The following ZFAND3 variants were observed in gnomAD, a reference collection of about 807,000 sequenced individuals.
The protein encoded by ZFAND3 is zinc finger AN1-type containing 3.
Under a neutral mutation model 29.6 loss-of-function variants are expected in ZFAND3, and 10 were observed. The observed-to-expected ratio is 0.34, with a 90% CI of 0.21 to 0.57. The LOEUF is 0.57. Ranked by LOEUF, ZFAND3 falls within the 20% of genes least tolerant of loss-of-function variation. The pLI is 0.86. For synonymous variants in ZFAND3, 128 were observed against 112.6 expected, an observed-to-expected ratio of 1.14 and a Z score of -0.87; for missense variants, 230 against 304.5, an observed-to-expected ratio of 0.76 and a Z score of 1.82.
chr6:38,098,139 A>C (rs1260117433), intron 4 of ZFAND3, among the ~76,000 whole-genome samples: 3 of 151,902 alleles, frequency 2.0e-5, no homozygotes, highest in Non-Finnish European at 4.4e-5. Context: ...ACAGCTCACT[A>C]TAACTTTGAC....
intron 3 of ZFAND3, among the ~76,000 whole-genome samples, chr6:38,070,525 A>G (rs559881843): frequency 1.3e-5 from 2 of 152,202 alleles, no homozygotes; most frequent in Non-Finnish European, 2.9e-5. Context: ...AAGTCTACAC[A>G]TGGAGATCTG....
chr6:37,839,591 T>C (rs1281095424), intron 1 of ZFAND3, among the ~76,000 whole-genome samples: 2 of 151,660 alleles, frequency 1.3e-5, no homozygotes, highest in Admixed American at 1.3e-4. Context: ...CTCAGCTCTC[T>C]GCAAGCTCTG....
chr6:37,977,831 C>CTTT lies in ZFAND3; in HGVS notation c.112+47832_112+47833insTTT, dbSNP rs1561953795. ...ATGTTGAATTTTGTAAAATGCTTTTCCTTCCTTCCTTCCTTCCTTCCTTCC... is the reference window on the plus strand; with the variant it reads ...ATGTTGAATTTTGTAAAATGCTTTTCTTTCTTCCTTCCTTCCTTCCTTCCTTCC... On this transcript the variant is annotated intron_variant, in intron 2 of 5. Coordinates refer to ENST00000287218, the MANE Select transcript of ZFAND3 (RefSeq NM_021943.3). 9.2e-4 allele frequency among the ~76,000 whole-genome samples: 8 copies of CTTT among 8,718 alleles called. 1 individual carries two copies. Among genetic ancestry groups the CTTT allele is most frequent in the Non-Finnish European group, 1.7e-3 (5 of 2,942 alleles). 5.7% of individuals were successfully genotyped at this position (8,718 alleles called of 152,430 possible).
intron 2 of ZFAND3, among the ~76,000 whole-genome samples, chr6:37,994,460 C>CAG (rs1467426752): frequency 6.6e-6 from 1 of 152,168 alleles, no homozygotes; most frequent in East Asian, 1.9e-4. Context: ...TCAGACATTA[C>CAG]TTTTCTCTCA....
chr6:38,100,796 A>T (rs1282283575), intron 4 of ZFAND3, among the ~76,000 whole-genome samples: 1 of 152,008 alleles, frequency 6.6e-6, no homozygotes, highest in Non-Finnish European at 1.5e-5. Context: ...ATTCTTAGGT[A>T]CCCCCCTACC....
intron 3 of ZFAND3, among the ~76,000 whole-genome samples, chr6:38,066,830 AT>A (rs1349852640): frequency 6.6e-6 from 1 of 152,204 alleles, no homozygotes; most frequent in African/African-American, 2.4e-5. Context: ...ACCCAAAAGA[AT>A]TTCTTAATAC....
At chr6:38,143,168 G>T (rs1242914365) in intron 5 of ZFAND3, 1 of 152,318 alleles carries the variant, frequency 6.6e-6, no homozygotes, top group Non-Finnish European at 1.5e-5. Flanking sequence ...ACATTACTGG[G>T]ACGAAGCCGA....
intron 4 of ZFAND3, among the ~76,000 whole-genome samples, chr6:38,091,273 C>A (rs2127474054): frequency 6.6e-6 from 1 of 151,814 alleles, no homozygotes; most frequent in African/African-American, 2.4e-5. Flanking sequence ...TTGCATCAGT[C>A]CACAAATGCA....
chr6:38,069,593 G>T (rs75484621), intron 3 of ZFAND3, among the ~76,000 whole-genome samples: 10,379 of 152,232 alleles, frequency 0.068, 426 homozygotes, highest in Non-Finnish European at 0.087. Flanking sequence ...TATTAGGGCT[G>T]TGTTCTGAAA....
chr6:38,150,834 G>A (rs757402260), intron 5 of ZFAND3, among the ~76,000 whole-genome samples: 1 of 152,192 alleles, frequency 6.6e-6, no homozygotes, highest in Non-Finnish European at 1.5e-5. Context: ...TGCTTGGGCA[G>A]GCTGCTGTGG....
chr6:37,914,843 T>C (rs7756841), intron 1 of ZFAND3, among the ~76,000 whole-genome samples: 4,490 of 151,932 alleles, frequency 0.03, 173 homozygotes, highest in African/African-American at 0.085. Context: ...ATTTTTGGAA[T>C]AGTAGCTGAT....
Position 38,138,863 on chromosome 6 carries a change from A to G in ZFAND3, c.530-13372A>G, listed in dbSNP as rs529490337. Among the ~76,000 whole-genome samples the G allele has an allele frequency of 7.2e-5, 11 of 152,318 alleles. No homozygotes were observed. The East Asian group carries it at 2.1e-3, about 29-fold the overall frequency. On this transcript the variant is annotated intron_variant, in intron 5 of 5. Transcript: ENST00000287218. Reference sequence around the variant, plus strand: ...CAGTTGAGATTCCTAGCATTATTCTAGTCAGACGTGTTTGTCAAGTAGGCC... The same window carrying G: ...CAGTTGAGATTCCTAGCATTATTCTGGTCAGACGTGTTTGTCAAGTAGGCC...
At chr6:37,961,174 A>G (rs1163710511) in intron 2 of ZFAND3, among the ~76,000 whole-genome samples, 1 of 151,864 alleles carries the variant, frequency 6.6e-6, no homozygotes, top group Non-Finnish European at 1.5e-5. Flanking sequence ...ACAGGAGCCC[A>G]CTCCCTTGAA....
chr6:37,899,055 C>A (rs957252736), intron 1 of ZFAND3, among the ~76,000 whole-genome samples: 4 of 152,170 alleles, frequency 2.6e-5, no homozygotes, highest in East Asian at 1.9e-4. Flanking sequence ...GCCACCACGC[C>A]TGGCTAATTT....
chr6:37,883,423 C>T (rs1764932782), intron 1 of ZFAND3, among the ~76,000 whole-genome samples: 2 of 152,064 alleles, frequency 1.3e-5, no homozygotes, highest in African/African-American at 2.4e-5. Flanking sequence ...CCCTACCCTT[C>T]GCTGTTGAAC....
intron 3 of ZFAND3, among the ~76,000 whole-genome samples, chr6:38,073,774 G>A (rs1469768727): frequency 1.3e-5 from 2 of 152,160 alleles, no homozygotes; most frequent in African/African-American, 4.8e-5. Flanking sequence ...CTAGGTGAGA[G>A]ATTACATCTG....
In ZFAND3 at chr6:38,147,490, C is replaced by G. The variant is rs568726911; in HGVS notation, c.530-4745C>G. ...CCCTTTGATATATTGACTTTTTTTC[C>G]TTTGGGTAGATACCCTGTGGTGGGA... On this transcript the variant is annotated intron_variant, in intron 5 of 5. Transcript: ENST00000287218. Among the ~76,000 whole-genome samples, 24 of 152,214 alleles carry G rather than the reference C, an allele frequency of 1.6e-4. No individual in the cohort carries two copies. In the South Asian group the frequency reaches 5.0e-3, roughly 32 times the overall value.
chr6:38,103,745 A>G (rs1045577761), intron 4 of ZFAND3, among the ~76,000 whole-genome samples: 10 of 152,186 alleles, frequency 6.6e-5, no homozygotes, highest in Non-Finnish European at 1.0e-4. Context: ...ACAGATTAAA[A>G]TTAGGGGACT....
intron 2 of ZFAND3, among the ~76,000 whole-genome samples, chr6:38,022,151 T>G (rs1223457940): frequency 5.3e-5 from 8 of 152,212 alleles, no homozygotes; most frequent in Non-Finnish European, 1.0e-4. Context: ...GCCCCATGCA[T>G]TCCAAATACT....
Sources: gnomAD v4.1 joint callset for allele counts (sites outside exome capture counted in the v4.1 genomes callset) on GRCh38, gnomAD v4.1.1 for gene constraint, MANE v1.5 for transcripts, NCBI Gene and HGNC (gene_info 2026-07-23, HGNC 2026-07-21) for gene names.